Variants in TNS4 observed in about 807,000 individuals in gnomAD.
TNS4 encodes the protein tensin 4.
TNS4 carries 46 observed loss-of-function variants against 70.4 expected under a neutral mutation model. The observed-to-expected ratio is 0.65, with a 90% CI of 0.52 to 0.84. The LOEUF (loss-of-function observed/expected upper bound fraction) is 0.84, where lower values mean the gene tolerates loss of function less well. Ranked by LOEUF, TNS4 falls within the 40% of genes least tolerant of loss-of-function variation. TNS4 has a pLI of 0.00. For missense variants in TNS4, 863 were observed against 907.0 expected (o/e 0.95, Z 0.62); for synonymous variants, 390 against 366.6 (o/e 1.06, Z -0.73).
In TNS4 at chr17:40,482,392, C is replaced by G. The variant is rs140998686; in HGVS notation, c.1526G>C (p.Arg509Pro). 1.2e-6 allele frequency: 2 copies of G among 1,614,046 alleles called. No individual in the cohort carries two copies. The highest frequency in any genetic ancestry group is 2.7e-5 in the African/African-American group (2 of 75,036). The change falls in exon 7 of 13, where the codon CGA becomes CCA. Residue 509 changes from arginine (R) to proline (P), a missense_variant. Transcript: ENST00000254051. ...GGCAGACGACTCGATGAGGAAGTGT[C>G]GGATGAGGTCATTGCTGTCCTCACC... ...RPGEDSNDLI[R>P]HFLIESSAKG...
In TNS4 at chr17:40,481,884, C is replaced by T. The variant is rs58801124; in HGVS notation, c.1672+245G>A. Among the ~76,000 whole-genome samples the T allele has an allele frequency of 7.9e-5, 12 of 152,318 alleles. 1 individual carries two copies. The East Asian group carries it at 2.1e-3, about 27-fold the overall frequency. On this transcript the variant is annotated intron_variant, in intron 8 of 12. Coordinates refer to ENST00000254051, the MANE Select transcript of TNS4 (RefSeq NM_032865.6). The stretch of plus-strand genomic sequence containing the variant: ...CAGGCATTGCGCTAAGAGCCTTGCC[C>T]GGGCTATCTCTTTCGGTCTGCACAG...
At position 40,477,489 on chromosome 17, in the gene TNS4, C is replaced by T. The variant is rs2035862677; in HGVS notation, c.*99G>A. ...AATCCCCCTAGTCCCATAGATTGGTCTGTCAATATGGCCACAAGCCACACC... is the reference window on the plus strand; with the variant it reads ...AATCCCCCTAGTCCCATAGATTGGTTTGTCAATATGGCCACAAGCCACACC... On this transcript the variant is annotated 3_prime_UTR_variant, in exon 13 of 13. Coordinates refer to ENST00000254051, the MANE Select transcript of TNS4 (RefSeq NM_032865.6). 1 of 1,513,348 alleles carries T rather than the reference C, an allele frequency of 6.6e-7. No homozygotes were observed. Among genetic ancestry groups the T allele is most frequent in the Non-Finnish European group, 9.0e-7 (1 of 1,117,202 alleles). 93.7% of individuals were successfully genotyped at this position (1,513,348 alleles called of 1,614,324 possible). A position where few individuals can be genotyped will look rare whatever the true frequency, so the allele number is the denominator to read the frequency against.
intron 2 of TNS4, among the ~76,000 whole-genome samples, chr17:40,493,905 G>A (rs749355621): frequency 2.0e-5 from 3 of 152,282 alleles, no homozygotes; most frequent in Non-Finnish European, 4.4e-5. Flanking sequence ...GGGCATGAAC[G>A]GTAAAACCCT....
intron 1 of TNS4, among the ~76,000 whole-genome samples, chr17:40,500,085 G>A (rs1228801813): frequency 1.3e-5 from 2 of 152,200 alleles, no homozygotes; most frequent in Non-Finnish European, 2.9e-5. Flanking sequence ...GGGCTGGAGA[G>A]GTTGAGGAAT....
chr17:40,485,334 G>A (rs1434829394), intron 4 of TNS4, among the ~76,000 whole-genome samples: 1 of 152,236 alleles, frequency 6.6e-6, no homozygotes, highest in Non-Finnish European at 1.5e-5. Context: ...ACTGAAATAA[G>A]AGATAAACAA....
At chr17:40,480,591 C>T in intron 9 of TNS4, 109 bp downstream of exon 9, 1 of 1,071,966 alleles carries the variant, frequency 9.3e-7, no homozygotes, top group Non-Finnish European at 1.3e-6. Context: ...AGATGGGAAA[C>T]ACGTGTGTGC....
chr17:40,484,669 C>T, intron 5 of TNS4, 60 bp from the exon 6 acceptor site: 1 of 1,599,366 alleles, frequency 6.3e-7, no homozygotes, highest in Non-Finnish European at 8.5e-7. Context: ...TGTCCCCAGC[C>T]CCGTAGGGTC....
At chr17:40,491,789 G>A (rs1478560514) in intron 2 of TNS4, among the ~76,000 whole-genome samples, 2 of 152,204 alleles carry the variant, frequency 1.3e-5, no homozygotes, top group Non-Finnish European at 2.9e-5. Flanking sequence ...TCTGAGCAGT[G>A]CTGGGTGGGT....
chr17:40,494,979 T>C (rs1037222054), intron 2 of TNS4, among the ~76,000 whole-genome samples: 4 of 151,932 alleles, frequency 2.6e-5, no homozygotes, highest in African/African-American at 9.7e-5. Flanking sequence ...AACTCTTTGT[T>C]CAGGAAACTG....
chr17:40,477,707 T>C lies in TNS4; in HGVS notation c.2029A>G (p.Ser677Gly). 6.2e-7 allele frequency: 1 copy of C among 1,613,794 alleles called. No individual in the cohort carries two copies. The highest frequency in any genetic ancestry group is 8.5e-7 in the Non-Finnish European group (1 of 1,179,958). Reference protein sequence around the residue: ...PSWIFGFVAKSQTEPQENVCH... With the variant: ...PSWIFGFVAKGQTEPQENVCH... ...ACGTTCTCCTGAGGCTCTGTCTGGC[T>C]CTTGGCCACAAACCCAAAGATCCTG... The change falls in exon 13 of 13, where the codon AGC becomes GGC. Residue 677 changes from serine (S) to glycine (G), a missense_variant. Coordinates refer to ENST00000254051, the MANE Select transcript of TNS4 (RefSeq NM_032865.6).
chr17:40,484,344 T>G, intron 6 of TNS4, 140 bp downstream of exon 6: 1 of 1,326,446 alleles, frequency 7.5e-7, no homozygotes, highest in Non-Finnish European at 1.0e-6. Context: ...GGGAGAACAC[T>G]GGGGTGGACG....
In TNS4 at chr17:40,496,453, C is replaced by T; in HGVS notation, c.-28G>A. 2 of 1,595,066 alleles carry T rather than the reference C, an allele frequency of 1.3e-6. No homozygotes were observed. Among genetic ancestry groups the T allele is most frequent in the Non-Finnish European group, 1.7e-6 (2 of 1,173,272 alleles). On this transcript the variant is annotated 5_prime_UTR_variant, in exon 2 of 13. Coordinates refer to ENST00000254051, the MANE Select transcript of TNS4 (RefSeq NM_032865.6). The stretch of plus-strand genomic sequence containing the variant: ...TGGGGGTGGTGACCTCTGCAGTTTA[C>T]CTCTGGTCTTCAACCAGCCTCACTG...
intron 10 of TNS4, 129 bp downstream of exon 10, chr17:40,479,545 A>G: frequency 8.5e-7 from 1 of 1,179,396 alleles, no homozygotes; most frequent in Non-Finnish European, 1.2e-6. Flanking sequence ...CACTCAGCAC[A>G]TCACTGGCCC....
chr17:40,481,468 GA>G (rs1382984470), intron 8 of TNS4, among the ~76,000 whole-genome samples: 1 of 152,140 alleles, frequency 6.6e-6, no homozygotes, highest in African/African-American at 2.4e-5. Flanking sequence ...CGGCTCAAGT[GA>G]TTCTCCTGCC....
Position 40,480,639 on chromosome 17 carries a change from G to C in TNS4, c.1741+61C>G. The C allele has an allele frequency of 3.5e-6, 5 of 1,445,336 alleles. 1 individual carries two copies. In the South Asian group the frequency reaches 7.7e-5, roughly 22 times the overall value. The allele number at this position is 1,445,336 out of a possible 1,614,324, so 89.5% of individuals were successfully genotyped here. On this transcript the variant is annotated intron_variant, in intron 9 of 12. Coordinates refer to ENST00000254051, the MANE Select transcript of TNS4 (RefSeq NM_032865.6). ...GCGTGCATGCGTGCGTGTGTGCAGGGTTGGGAGGTGCCCTCTTGGGGCACA... is the reference window on the plus strand; with the variant it reads ...GCGTGCATGCGTGCGTGTGTGCAGGCTTGGGAGGTGCCCTCTTGGGGCACA...
intron 2 of TNS4, among the ~76,000 whole-genome samples, chr17:40,492,495 A>G (rs1216874454): frequency 1.3e-5 from 2 of 151,876 alleles, no homozygotes; most frequent in African/African-American, 2.4e-5. Flanking sequence ...CAGCCTCCCA[A>G]TAGTTGGGAC....
Position 40,477,614 on chromosome 17 carries a change from G to C in TNS4, c.2122C>G (p.Leu708Val). 6.2e-7 allele frequency: 1 copy of C among 1,614,166 alleles called. No individual in the cohort carries two copies. The highest frequency in any genetic ancestry group is 8.5e-7 in the Non-Finnish European group (1 of 1,180,028). ...TACATCCTTTCTGCGTCCTGCAGCAGAGCAGTCACCAGGCCGATGACCTGC... is the reference window on the plus strand; with the variant it reads ...TACATCCTTTCTGCGTCCTGCAGCACAGCAGTCACCAGGCCGATGACCTGC... The part of the protein sequence containing the change: ...ASQVIGLVTA[L>V]LQDAERM The change falls in exon 13 of 13, where the codon CTG (leucine) becomes GTG (valine). Residue 708 changes from leucine to valine, a missense_variant. By Grantham distance (32) the Leu-to-Val change is conservative. Transcript: ENST00000254051.
intron 1 of TNS4, among the ~76,000 whole-genome samples, chr17:40,498,305 A>T (rs893078558): frequency 2.0e-5 from 3 of 152,196 alleles, no homozygotes; most frequent in Non-Finnish European, 4.4e-5. Context: ...GAGTTTCCTC[A>T]TCTGTGAGAT....
rs140763191 is a variant in TNS4 at position 40,488,772 on chromosome 17, G to A, written c.637C>T (p.Arg213Cys). The change falls in exon 3 of 13, where the codon CGC (arginine) becomes TGC (cysteine). Residue 213 changes from arginine (R) to cysteine (C), a missense_variant. Coordinates refer to ENST00000254051, the MANE Select transcript of TNS4 (RefSeq NM_032865.6). The part of the protein sequence containing the change: ...FSGNQGRGHQ[R>C]PLPPSEGLSP... ...AGACCCTCTGAGGGGGGCAGAGGGC[G>A]CTGGTGCCCCCTGCCCTGGTTCCCA... The A allele has an allele frequency of 1.2e-5, 20 of 1,609,918 alleles. No individual in the cohort carries two copies. The East Asian group carries it at 2.2e-4, about 18-fold the overall frequency.
Sources: gnomAD v4.1 joint callset for allele counts (sites outside exome capture counted in the v4.1 genomes callset) on GRCh38, gnomAD v4.1.1 for gene constraint, MANE v1.5 for transcripts, NCBI Gene and HGNC (gene_info 2026-07-23, HGNC 2026-07-21) for gene names.